The following MAGI1 variants were observed in gnomAD, a reference collection of about 807,000 sequenced individuals.
MAGI1 encodes membrane associated guanylate kinase, WW and PDZ domain containing 1.
MAGI1 carries 58 observed loss-of-function variants against 139.9 expected under a neutral mutation model. The ratio of observed to expected loss-of-function variants is 0.41; its 90% confidence interval spans 0.34 to 0.52. The LOEUF is 0.52. Among genes scored for constraint, MAGI1 ranks in the 20% least tolerant of loss-of-function variants. MAGI1 has a pLI of 0.12. For missense variants in MAGI1, 1,874 were observed against 1,901.6 expected, an observed-to-expected ratio of 0.99 and a Z score of 0.27; for synonymous variants, 812 against 737.9, an observed-to-expected ratio of 1.10 and a Z score of -1.63.
rs72906093 is a variant in MAGI1, at chr3:65,626,843, C to T, written c.314-4755G>A. 2.8e-3 allele frequency among the ~76,000 whole-genome samples: 433 copies of T among 152,296 alleles called. 3 individuals are homozygous for T. The highest frequency in any genetic ancestry group is 9.7e-3 in the African/African-American group (401 of 41,550). On this transcript the variant is annotated intron_variant, in intron 1 of 22. Coordinates refer to ENST00000402939, the MANE Select transcript of MAGI1 (RefSeq NM_001033057.2). ...TTCACATTCTATTAAAAATACTGTA[C>T]ATTTTGGCATCTAATCTCAAATTAA...
At chr3:65,808,851 C>G (rs2041039628) in intron 1 of MAGI1, among the ~76,000 whole-genome samples, 1 of 152,156 alleles carries the variant, frequency 6.6e-6, no homozygotes, top group African/African-American at 2.4e-5. Context: ...AAAGTGCATT[C>G]TCCTCTTACA....
intron 1 of MAGI1, among the ~76,000 whole-genome samples, chr3:65,972,632 CT>C (rs1231180402): frequency 1.3e-5 from 2 of 152,114 alleles, no homozygotes; most frequent in African/African-American, 2.4e-5. Context: ...ATGATCCCCC[CT>C]GAAGGGCTAG....
intron 18 of MAGI1, among the ~76,000 whole-genome samples, chr3:65,374,119 T>G (rs529398700): frequency 6.6e-6 from 1 of 152,186 alleles, no homozygotes; most frequent in Non-Finnish European, 1.5e-5. Flanking sequence ...TAAACTAGAT[T>G]TTTTCTTGAG....
intron 1 of MAGI1, among the ~76,000 whole-genome samples, chr3:65,795,216 G>A (rs1296972177): frequency 6.6e-6 from 1 of 152,166 alleles, no homozygotes; most frequent in Non-Finnish European, 1.5e-5. Flanking sequence ...CTATGAACAT[G>A]TGCATATGAA....
chr3:65,864,772 G>A (rs911410268), intron 1 of MAGI1, among the ~76,000 whole-genome samples: 3 of 152,126 alleles, frequency 2.0e-5, no homozygotes, highest in Admixed American at 2.0e-4. Flanking sequence ...AGACTAATAT[G>A]GAAGTCCTGC....
At chr3:65,814,479 A>C (rs1308832962) in intron 1 of MAGI1, among the ~76,000 whole-genome samples, 1 of 152,220 alleles carries the variant, frequency 6.6e-6, no homozygotes, top group East Asian at 1.9e-4. Flanking sequence ...CTTTCATGGA[A>C]GGCATCCATG....
At chr3:65,598,397 GTGACTCCC>G (rs2082330234) in intron 2 of MAGI1, among the ~76,000 whole-genome samples, 1 of 152,196 alleles carries the variant, frequency 6.6e-6, no homozygotes, top group African/African-American at 2.4e-5. Flanking sequence ...GGGAAGGGGC[GTGACTCCC>G]TTTCTTGGTT....
rs201711185 is a variant in MAGI1 at position 66,038,079 on chromosome 3, C to T, written c.230G>A (p.Arg77Gln). The change falls in exon 1 of 23, where the codon CGG becomes CAG. Residue 77 changes from arginine to glutamine, a missense_variant. Physicochemically the swap from Arg to Gln is conservative, Grantham distance 43. Transcript: ENST00000402939. ...GELLLEVQGVRVSGLPRYDVL... is the reference protein window; with the variant it reads ...GELLLEVQGVQVSGLPRYDVL... ...GTCATAGCGGGGCAAGCCGGACACC[C>T]GGACCCCCTGCACCTCCAGAAGCAG... 3.6e-4 allele frequency: 581 copies of T among 1,613,046 alleles called. 5 individuals are homozygous for T. The East Asian group carries it at 6.7e-3, about 19-fold the overall frequency.
intron 1 of MAGI1, among the ~76,000 whole-genome samples, chr3:65,772,123 G>C (rs901877307): frequency 6.6e-6 from 1 of 152,122 alleles, no homozygotes; most frequent in African/African-American, 2.4e-5. Context: ...TTGAACCTGG[G>C]AGGCGGAGGT....
At chr3:65,506,197 G>C (rs1413632224) in intron 2 of MAGI1, among the ~76,000 whole-genome samples, 1 of 152,126 alleles carries the variant, frequency 6.6e-6, no homozygotes, top group Non-Finnish European at 1.5e-5. Flanking sequence ...TAAACATTTT[G>C]GGTCTTGGTT....
At chr3:65,414,103 C>G (rs987916828) in intron 12 of MAGI1, among the ~76,000 whole-genome samples, 3 of 152,178 alleles carry the variant, frequency 2.0e-5, no homozygotes, top group African/African-American at 4.8e-5. Context: ...AAATGAAGCT[C>G]TAATCAGGCT....
At chr3:65,633,994 G>A (rs576131245) in intron 1 of MAGI1, among the ~76,000 whole-genome samples, 2 of 152,280 alleles carry the variant, frequency 1.3e-5, no homozygotes, top group East Asian at 3.9e-4. Context: ...AATTGGACTC[G>A]AGATGACAGT....
At chr3:65,631,192 G>C (rs549196311) in intron 1 of MAGI1, among the ~76,000 whole-genome samples, 8 of 152,286 alleles carry the variant, frequency 5.3e-5, no homozygotes, top group African/African-American at 1.7e-4. Flanking sequence ...AACTGATACA[G>C]TTTGGTGACA....
intron 1 of MAGI1, among the ~76,000 whole-genome samples, chr3:65,816,221 C>T (rs564320973): frequency 1.8e-4 from 27 of 151,872 alleles, no homozygotes; most frequent in Admixed American, 1.3e-3. Context: ...AGAACTTAAA[C>T]GTTCATAGAG....
chr3:65,768,747 C>A (rs1371663564), intron 1 of MAGI1, among the ~76,000 whole-genome samples: 1 of 152,180 alleles, frequency 6.6e-6, no homozygotes, highest in African/African-American at 2.4e-5. Context: ...CCAGTTTGAA[C>A]CTTCCTACAA....
Position 65,429,654 on chromosome 3 carries a change from C to T in MAGI1, c.2033G>A (p.Arg678Gln), listed in dbSNP as rs376397867. ...TATGAGATCCCCTTCTTTCAGGCCT[C>T]GGCACCTTGGGCTGTCAACAATCTG... The part of the protein sequence containing the change: ...VKQIVDSPRC[R>Q]GLKEGDLIVE... The change falls in exon 12 of 23, where the codon CGA becomes CAA. Residue 678 changes from arginine to glutamine, a missense_variant. Coordinates refer to ENST00000402939, the MANE Select transcript of MAGI1 (RefSeq NM_001033057.2). The T allele has an allele frequency of 1.1e-5, 17 of 1,613,936 alleles. No individual in the cohort carries two copies. Among genetic ancestry groups the T allele is most frequent in the South Asian group, 2.2e-5 (2 of 91,080 alleles).
At position 65,974,873 on chromosome 3, in the gene MAGI1, G is replaced by A. The variant is rs1193521643; in HGVS notation, c.313+63123C>T. Reference sequence around the variant, plus strand: ...CCATCATTAGGCTATTGGTCTCACAGACCTGGGAACAGACTGCACGAAGGT... The same window carrying A: ...CCATCATTAGGCTATTGGTCTCACAAACCTGGGAACAGACTGCACGAAGGT... On this transcript the variant is annotated intron_variant, in intron 1 of 22. Transcript: ENST00000402939. 2.6e-5 allele frequency among the ~76,000 whole-genome samples: 4 copies of A among 152,158 alleles called. No individual in the cohort carries two copies. In the East Asian group the frequency reaches 7.7e-4, roughly 29 times the overall value.
chr3:65,433,996 A>G (rs1207899366), intron 10 of MAGI1, among the ~76,000 whole-genome samples: 1 of 152,172 alleles, frequency 6.6e-6, no homozygotes, highest in African/African-American at 2.4e-5. Flanking sequence ...TTTAACTGTA[A>G]TTCATTTAAA....
At chr3:65,994,826 T>C (rs2066356050) in intron 1 of MAGI1, among the ~76,000 whole-genome samples, 1 of 152,162 alleles carries the variant, frequency 6.6e-6, no homozygotes, top group African/African-American at 2.4e-5. Flanking sequence ...ATGAAGTGGG[T>C]TTCACTGAGG....
Sources: allele counts gnomAD v4.1 joint callset (sites outside exome capture counted in the v4.1 genomes callset), GRCh38; gene constraint gnomAD v4.1.1; transcripts MANE v1.5; gene names NCBI Gene and HGNC (gene_info 2026-07-23, HGNC 2026-07-21).